PCM1: variants seen among roughly 807,000 people sequenced by gnomAD.
PCM1 encodes pericentriolar material 1.
Under a neutral mutation model 241.9 loss-of-function variants are expected in PCM1, and 157 were observed. That is an observed-to-expected ratio of 0.65 (90% CI 0.57 to 0.74). The LOEUF (loss-of-function observed/expected upper bound fraction) is 0.74. PCM1 is among the 30% of genes least tolerant of loss of function. PCM1 has a pLI of 0.00. For missense variants in PCM1, 3,478 were observed against 2,360.1 expected, an observed-to-expected ratio of 1.47 and a Z score of -9.81; for synonymous variants, 1,085 against 784.9, an observed-to-expected ratio of 1.38 and a Z score of -6.39.
chr8:17,934,965 C>G (rs1266606776), intron 2 of PCM1: 1 of 152,160 alleles, frequency 6.6e-6, no homozygotes, highest in African/African-American at 2.4e-5. Flanking sequence ...AGAGAAAGCA[C>G]TAATACAAAT....
In PCM1 at chr8:17,991,693, T is replaced by C; in HGVS notation, c.4683T>C (p.Asn1561=). 2 of 1,548,048 alleles carry C rather than the reference T, an allele frequency of 1.3e-6. No individual in the cohort carries two copies. The highest frequency in any genetic ancestry group is 8.7e-7 in the Non-Finnish European group (1 of 1,145,748). ...DGAGAGTTVN[N]LEETPVIENR... ...CTGGTGCAGGTACTACAGTTAATAA[T>C]TTAGAAGGTATATATTTTTGTTTTC... is the stretch of plus-strand genomic sequence containing the variant. The change falls in exon 28 of 39, where the codon AAT becomes AAC. Residue 1561 remains asparagine, a synonymous_variant. Transcript: ENST00000325083.
chr8:17,976,143 G>T (rs540105510), intron 23 of PCM1, among the ~76,000 whole-genome samples: 1 of 152,230 alleles, frequency 6.6e-6, no homozygotes, highest in African/African-American at 2.4e-5. Context: ...GAAACATTAG[G>T]CAAGGCAAGG....
intron 2 of PCM1, among the ~76,000 whole-genome samples, chr8:17,930,217 C>T (rs1202203161): frequency 6.6e-6 from 1 of 151,148 alleles, no homozygotes; most frequent in African/African-American, 2.4e-5. Flanking sequence ...CATTCTGCCT[C>T]AGCCTCCCGA....
At chr8:17,932,520 AT>A (rs908167209) in intron 2 of PCM1, among the ~76,000 whole-genome samples, 56 of 150,040 alleles carry the variant, frequency 3.7e-4, no homozygotes, top group Admixed American at 1.5e-3. Flanking sequence ...ATATATTCGT[AT>A]TTTTTTTTGC....
In PCM1 at chr8:17,956,571, G is replaced by A. The variant is rs558945104; in HGVS notation, c.1473-33G>A. On this transcript the variant is annotated intron_variant, in intron 10 of 38. Transcript: ENST00000325083. ...TCTGTATTATTTTGCTAAAATGGGT[G>A]TAAATCGTATACATAAATTTTTTGT... The A allele has an allele frequency of 2.2e-5, 31 of 1,391,308 alleles. No homozygotes were observed. The South Asian group carries it at 3.6e-4, about 16-fold the overall frequency. 86.2% of individuals were successfully genotyped at this position (1,391,308 alleles called of 1,614,324 possible). A position where few individuals can be genotyped will look rare whatever the true frequency, so the allele number is the denominator to read the frequency against.
At chr8:17,956,215 G>T (rs897328695) in intron 10 of PCM1, among the ~76,000 whole-genome samples, 8 of 152,104 alleles carry the variant, frequency 5.3e-5, no homozygotes, top group Admixed American at 5.2e-4. Context: ...TTCCATACAT[G>T]CTCAGTAATG....
rs1238775357 is a variant in PCM1 at position 17,938,765 on chromosome 8, G to C, written c.368G>C (p.Gly123Ala). Residue 123 changes from glycine to alanine, a missense_variant, in exon 5 of 39, where the codon GGT (glycine) becomes GCT (alanine). By Grantham distance (60) the Gly-to-Ala change is moderately conservative. Transcript: ENST00000325083. Reference protein sequence around the residue: ...DQRSIGSDSQGRATAANNKRQ... With the variant: ...DQRSIGSDSQARATAANNKRQ... ...AGAAGCATTGGAAGTGATTCCCAAG[G>C]TAGAGCAACAGCTGCTAACAACAAA... is the stretch of plus-strand genomic sequence containing the variant. The C allele has an allele frequency of 6.2e-7, 1 of 1,611,718 alleles. No individual in the cohort carries two copies. The highest frequency in any genetic ancestry group is 1.3e-5 in the African/African-American group (1 of 74,880).
At chr8:18,026,858 T>G (rs1423539715) in intron 38 of PCM1, among the ~76,000 whole-genome samples, 1 of 152,230 alleles carries the variant, frequency 6.6e-6, no homozygotes, top group Admixed American at 6.5e-5. Flanking sequence ...ACCCATATTC[T>G]TACATTACTA....
At chr8:17,941,167 C>G (rs2061905831) in intron 6 of PCM1, among the ~76,000 whole-genome samples, 1 of 152,052 alleles carries the variant, frequency 6.6e-6, no homozygotes, top group Non-Finnish European at 1.5e-5. Context: ...AATTCTTTTT[C>G]TATTTACAGT....
chr8:17,992,610 CTTTTTT>C (rs71545503), intron 28 of PCM1, among the ~76,000 whole-genome samples: 1 of 128,432 alleles, frequency 7.8e-6, no homozygotes, highest in Non-Finnish European at 1.6e-5. Flanking sequence ...ACTACTACTA[CTTTTTT>C]TTTTTTTTTT....
At chr8:17,936,606 C>T (rs920889914) in intron 3 of PCM1, among the ~76,000 whole-genome samples, 3 of 151,974 alleles carry the variant, frequency 2.0e-5, no homozygotes, top group Admixed American at 6.6e-5. Flanking sequence ...TAGTTTTAAT[C>T]CTATTTTGAA....
chr8:17,935,792 G>A lies in PCM1; in HGVS notation c.96+86G>A, dbSNP rs1226326046. The A allele has an allele frequency of 8.5e-6, 6 of 707,002 alleles. No individual in the cohort carries two copies. In the African/African-American group the frequency reaches 8.7e-5, roughly 10 times the overall value. 43.8% of individuals were successfully genotyped at this position (707,002 alleles called of 1,614,324 possible). A position where few individuals can be genotyped will look rare whatever the true frequency, so the allele number is the denominator to read the frequency against. ...CCCTGACCAAATTTAACTCACTGAT[G>A]CTCTTTGTATACACTTGCTGGCCAA... On this transcript the variant is annotated intron_variant, in intron 3 of 38. Transcript: ENST00000325083.
At position 17,957,709 on chromosome 8, in the gene PCM1, G is replaced by A; in HGVS notation, c.1974G>A (p.Lys658=). ...CAGAAGATGCTGAATTTGAACAGAA[G>A]ATCAACCGACTTATGGCTGCAAAAC... ...EHPEDAEFEQ[K]INRLMAAKQK... Residue 658 remains lysine (K), a synonymous_variant, in exon 13 of 39, where the codon AAG becomes AAA. Transcript: ENST00000325083. 1.2e-6 allele frequency: 2 copies of A among 1,613,366 alleles called. No individual in the cohort carries two copies. Among genetic ancestry groups the A allele is most frequent in the Non-Finnish European group, 1.7e-6 (2 of 1,179,652 alleles).
At chr8:18,018,032 A>G (rs567576668) in intron 36 of PCM1, among the ~76,000 whole-genome samples, 1 of 152,294 alleles carries the variant, frequency 6.6e-6, no homozygotes, top group African/African-American at 2.4e-5. Context: ...TCCACTTTCA[A>G]CCCCATGCTA....
chr8:17,956,545 G>A, intron 10 of PCM1, 59 bp from the exon 11 acceptor site: 3 of 1,006,764 alleles, frequency 3.0e-6, no homozygotes, highest in Non-Finnish European at 4.5e-6. Context: ...TGAAAATAAT[G>A]TCTGTATTAT....
chr8:17,973,087 C>T (rs896491614), intron 23 of PCM1, among the ~76,000 whole-genome samples: 3 of 152,072 alleles, frequency 2.0e-5, no homozygotes, highest in African/African-American at 7.2e-5. Flanking sequence ...CTTCTAAATA[C>T]ATTGCAGTTT....
At chr8:17,947,442 A>T in intron 7 of PCM1, 79 bp downstream of exon 7, 2 of 967,716 alleles carry the variant, frequency 2.1e-6, no homozygotes, top group Admixed American at 4.8e-5. Flanking sequence ...GCTGATTATT[A>T]CATAATCAGA....
intron 24 of PCM1, among the ~76,000 whole-genome samples, chr8:17,981,716 C>A (rs999528680): frequency 6.6e-6 from 1 of 152,072 alleles, no homozygotes; most frequent in African/African-American, 2.4e-5. Context: ...CCTCATAATG[C>A]TGAGTTGGTT....
chr8:17,942,626 T>A (rs2062475988), intron 6 of PCM1, among the ~76,000 whole-genome samples: 3 of 152,032 alleles, frequency 2.0e-5, no homozygotes, highest in Admixed American at 2.0e-4. Flanking sequence ...GTTTAATTGG[T>A]TTTTTAATTT....
Sources: gnomAD v4.1 joint callset for allele counts (sites outside exome capture counted in the v4.1 genomes callset) on GRCh38, gnomAD v4.1.1 for gene constraint, MANE v1.5 for transcripts, NCBI Gene and HGNC (gene_info 2026-07-23, HGNC 2026-07-21) for gene names.